Variants in MTMR8 observed in about 807,000 individuals in gnomAD.
The protein encoded by MTMR8 is phosphatidylinositol-3,5-bisphosphate 3-phosphatase MTMR8.
A neutral mutation model predicts 39.3 loss-of-function variants in MTMR8; 65 were observed. The ratio of observed to expected loss-of-function variants is 1.65; its 90% CI spans 1.35 to 2.03. MTMR8 has a LOEUF of 2.03. Among genes scored for constraint, MTMR8 ranks in the 30% most tolerant of loss-of-function variants. The pLI is 0.00. For missense variants in MTMR8, 777 were observed against 538.9 expected (o/e 1.44, Z -4.37); for synonymous variants, 245 against 185.2 (o/e 1.32, Z -2.62).
In MTMR8 at chrX:64,268,713, C is replaced by T. The variant is rs371670889; in HGVS notation, c.1939G>A (p.Gly647Ser). The T allele has an allele frequency of 2.5e-6, 3 of 1,209,626 alleles. No individual in the cohort carries two copies. Among genetic ancestry groups the T allele is most frequent in the Non-Finnish European group, 3.4e-6 (3 of 895,202 alleles). The change falls in exon 14 of 14, where the codon GGC becomes AGC. Residue 647 changes from glycine to serine, a missense_variant. Transcript: ENST00000374852. ...CAGATTCCTAAGTCTTTGGAGAAGC[C>T]CGTAGCCTCAAAGGTGCACATGTCT... Reference protein sequence around the residue: ...SGDMCTFEATGFSKDLGICGA... With the variant: ...SGDMCTFEATSFSKDLGICGA...
chrX:64,271,200 G>A, intron 12 of MTMR8, 127 bp from the exon 13 acceptor site: 2 of 663,521 alleles, frequency 3.0e-6, no homozygotes, highest in Non-Finnish European at 4.2e-6. Flanking sequence ...ACTGTAATTT[G>A]ATGACATTAA....
intron 10 of MTMR8, among the ~76,000 whole-genome samples, chrX:64,333,890 G>T (rs887607728): frequency 2.7e-5 from 3 of 111,424 alleles, no homozygotes; most frequent in African/African-American, 9.8e-5. Context: ...CCTCTCTTAT[G>T]TTTCTTCTTT....
chrX:64,314,811 G>C (rs1335143030), intron 12 of MTMR8, among the ~76,000 whole-genome samples: 1 of 111,771 alleles, frequency 8.9e-6, no homozygotes, highest in Non-Finnish European at 1.9e-5. Flanking sequence ...GTGACCTCGG[G>C]GGCCACCCTG....
At chrX:64,286,545 T>C (rs895466358) in intron 12 of MTMR8, among the ~76,000 whole-genome samples, 4 of 111,914 alleles carry the variant, frequency 3.6e-5, no homozygotes, top group Non-Finnish European at 7.5e-5. Context: ...CTGATGAACA[T>C]TGATGCAAAA....
chrX:64,268,689 A>T lies in MTMR8; in HGVS notation c.1963T>A (p.Cys655Ser). ...ATGFSKDLGI[C>S]GAMDISEATG... ...GCCTCAGAGATGTCCATGGCCCCAC[A>T]GATTCCTAAGTCTTTGGAGAAGCCC... The change falls in exon 14 of 14, where the codon TGT becomes AGT. Residue 655 changes from cysteine (C) to serine (S), a missense_variant. Cys to Ser is a moderately radical substitution (Grantham distance 112). Transcript: ENST00000374852. 8.3e-7 allele frequency: 1 copy of T among 1,211,744 alleles called. No homozygotes were observed. Among genetic ancestry groups the T allele is most frequent in the Non-Finnish European group, 1.1e-6 (1 of 895,545 alleles).
Position 64,309,885 on chromosome X carries a change from T to C in MTMR8, c.1481+18887A>G, listed in dbSNP as rs7064911. Among the ~76,000 whole-genome samples the C allele has an allele frequency of 2.9e-3, 323 of 112,428 alleles. 1 individual carries two copies. The highest frequency in any genetic ancestry group is 0.01 in the African/African-American group (315 of 31,018). On this transcript the variant is annotated intron_variant, in intron 12 of 13. Coordinates refer to ENST00000374852, the MANE Select transcript of MTMR8 (RefSeq NM_017677.4). ...TATTACTAAAAAATGCCAGCAATCG[T>C]TTGAGCTTTCAGCAGGTAGTAATCT...
At chrX:64,302,160 C>G (rs1018686986) in intron 12 of MTMR8, among the ~76,000 whole-genome samples, 1 of 112,722 alleles carries the variant, frequency 8.9e-6, no homozygotes, top group Non-Finnish European at 1.9e-5. Context: ...CGCCCCTCCC[C>G]CAGCCTCGCT....
intron 12 of MTMR8, among the ~76,000 whole-genome samples, chrX:64,302,361 G>A (rs1326823284): frequency 8.9e-6 from 1 of 112,334 alleles, no homozygotes; most frequent in South Asian, 3.7e-4. Context: ...TCTTTGATTC[G>A]GAAAGGGAAC....
intron 12 of MTMR8, chrX:64,304,938 A>G (rs1381083579): frequency 1.1e-5 from 1 of 89,056 alleles, no homozygotes; most frequent in African/African-American, 3.8e-5. Context: ...ACATATACAC[A>G]CATATATGTA....
Position 64,343,597 on chromosome X carries a change from G to C in MTMR8, c.975+14C>G. On this transcript the variant is annotated intron_variant, in intron 8 of 13. Transcript: ENST00000374852. Reference sequence around the variant, plus strand: ...ATTAAAGTCAGTGCAAATTTTAAAAGTCCTGATTATTACCTTTGTAATGAA... The same window carrying C: ...ATTAAAGTCAGTGCAAATTTTAAAACTCCTGATTATTACCTTTGTAATGAA... The C allele has an allele frequency of 9.1e-7, 1 of 1,097,010 alleles. No homozygotes were observed. Among genetic ancestry groups the C allele is most frequent in the African/African-American group, 1.8e-5 (1 of 55,486 alleles). 90.4% of individuals were successfully genotyped at this position (1,097,010 alleles called of 1,213,427 possible).
intron 2 of MTMR8, among the ~76,000 whole-genome samples, chrX:64,358,617 A>C (rs1057047376): frequency 1.7e-4 from 19 of 111,417 alleles, no homozygotes; most frequent in African/African-American, 6.2e-4. Flanking sequence ...TTTCAACCTG[A>C]GCAGACTGGC....
chrX:64,378,946 G>A (rs1251379882), intron 1 of MTMR8, among the ~76,000 whole-genome samples: 1 of 110,780 alleles, frequency 9.0e-6, no homozygotes, highest in African/African-American at 3.3e-5. Context: ...ATGAAAGAGG[G>A]GCCATCACTA....
In MTMR8 at chrX:64,363,145, G is replaced by T. The variant is rs769305479; in HGVS notation, c.25-3618C>A. Among the ~76,000 whole-genome samples the T allele has an allele frequency of 2.8e-3, 317 of 111,503 alleles. 1 individual carries two copies. Among genetic ancestry groups the T allele is most frequent in the African/African-American group, 0.01 (308 of 30,681 alleles). Reference sequence around the variant, plus strand: ...CAACCAGGGGGTTACAGATACGTGGGGACCATTCGGAAGGGCAATCTGGCA... The same window carrying T: ...CAACCAGGGGGTTACAGATACGTGGTGACCATTCGGAAGGGCAATCTGGCA... On this transcript the variant is annotated intron_variant, in intron 1 of 13. Transcript: ENST00000374852.
intron 1 of MTMR8, among the ~76,000 whole-genome samples, chrX:64,383,047 A>G (rs1374966015): frequency 9.0e-6 from 1 of 111,447 alleles, no homozygotes; most frequent in Non-Finnish European, 1.9e-5. Flanking sequence ...TATAATAACA[A>G]AATAGAGAAG....
At chrX:64,357,591 C>T (rs1367687736) in intron 2 of MTMR8, among the ~76,000 whole-genome samples, 1 of 110,736 alleles carries the variant, frequency 9.0e-6, no homozygotes, top group Non-Finnish European at 1.9e-5. Context: ...CCATGCCTGG[C>T]TAATTTTTTT....
intron 1 of MTMR8, among the ~76,000 whole-genome samples, chrX:64,384,967 G>A (rs1375049121): frequency 8.9e-6 from 1 of 112,302 alleles, no homozygotes; most frequent in Non-Finnish European, 1.9e-5. Flanking sequence ...ACATAGCCAG[G>A]CTTCAAATTT....
chrX:64,356,751 A>G (rs1326687505), intron 2 of MTMR8, among the ~76,000 whole-genome samples: 1 of 111,337 alleles, frequency 9.0e-6, no homozygotes, highest in Non-Finnish European at 1.9e-5. Context: ...ATTGTGCCTT[A>G]TCATAAACAA....
In MTMR8 at chrX:64,345,779, A is replaced by AT. The variant is rs778454359; in HGVS notation, c.733-603dup. Among the ~76,000 whole-genome samples the AT allele has an allele frequency of 1.6e-4, 18 of 110,677 alleles. 1 individual carries two copies. The South Asian group carries it at 6.6e-3, about 40-fold the overall frequency. On this transcript the variant is annotated intron_variant, in intron 6 of 13. Coordinates refer to ENST00000374852, the MANE Select transcript of MTMR8 (RefSeq NM_017677.4). ...AGGCACGTACCACCATGCCTGGCTA[A>AT]TTTTTTTTACAAAAAATGTTTTTTG... is the stretch of plus-strand genomic sequence containing the variant.
intron 5 of MTMR8, among the ~76,000 whole-genome samples, chrX:64,349,620 C>A (rs1923434850): frequency 9.0e-6 from 1 of 111,148 alleles, no homozygotes; most frequent in African/African-American, 3.3e-5. Flanking sequence ...AGGCCACAGC[C>A]CCCAAAAAAT....
Sources: allele counts gnomAD v4.1 joint callset (sites outside exome capture counted in the v4.1 genomes callset), GRCh38; gene constraint gnomAD v4.1.1; transcripts MANE v1.5; gene names NCBI Gene and HGNC (gene_info 2026-07-23, HGNC 2026-07-21).